The following DMD variants were observed in gnomAD, a reference collection of about 807,000 sequenced individuals.
DMD encodes mutant dystrophin.
A neutral mutation model predicts 330.1 loss-of-function variants in DMD; 63 were observed. That is an observed-to-expected ratio of 0.19 (90% CI 0.16 to 0.24). The LOEUF (loss-of-function observed/expected upper bound fraction) is 0.24. Among genes scored for constraint, DMD ranks in the 10% least tolerant of loss-of-function variants. The pLI, the probability that DMD is intolerant of heterozygous loss-of-function variation, is 1.00. For synonymous variants in DMD, 1,223 were observed against 959.8 expected, an observed-to-expected ratio of 1.27 and a Z score of -5.07; for missense variants, 3,344 against 2,684.1, an observed-to-expected ratio of 1.25 and a Z score of -5.43.
intron 54 of DMD, among the ~76,000 whole-genome samples, chrX:31,652,154 T>C (rs1172709438): frequency 8.9e-6 from 1 of 112,024 alleles, no homozygotes; most frequent in Non-Finnish European, 1.9e-5. Flanking sequence ...GGACTACTTT[T>C]TCCCCCCCAA....
At chrX:33,288,291 T>C (rs1376171762) in intron 1 of DMD, among the ~76,000 whole-genome samples, 1 of 111,730 alleles carries the variant, frequency 9.0e-6, no homozygotes, top group Admixed American at 9.5e-5. Context: ...GGAAATCTGA[T>C]GGACCGGGGA....
At chrX:32,923,286 C>T (rs944803847) in intron 2 of DMD, among the ~76,000 whole-genome samples, 40 of 111,398 alleles carry the variant, frequency 3.6e-4, no homozygotes, top group Non-Finnish European at 4.1e-4. Flanking sequence ...CAGGGTGGGG[C>T]GCAGTGGCTC....
chrX:32,911,263 T>C (rs781501859), intron 2 of DMD, among the ~76,000 whole-genome samples: 10 of 112,046 alleles, frequency 8.9e-5, no homozygotes, highest in African/African-American at 3.2e-4. Context: ...TTATGAATGA[T>C]GGTGAAACTG....
chrX:31,373,760 G>T (rs1253580921), intron 60 of DMD, among the ~76,000 whole-genome samples: 1 of 110,721 alleles, frequency 9.0e-6, no homozygotes, highest in Non-Finnish European at 1.9e-5. Flanking sequence ...ATAGGCATGG[G>T]CAAGGACTTC....
chrX:33,319,125 T>G (rs962077736), intron 1 of DMD, among the ~76,000 whole-genome samples: 11 of 110,446 alleles, frequency 1.0e-4, no homozygotes, highest in African/African-American at 3.6e-4. Context: ...AAACGGTCTG[T>G]CATCAGGCAC....
intron 1 of DMD, among the ~76,000 whole-genome samples, chrX:33,165,573 A>G (rs1408138409): frequency 9.0e-6 from 1 of 111,232 alleles, no homozygotes; most frequent in Non-Finnish European, 1.9e-5. Context: ...ACAGGAGAAT[A>G]GCCAGTATGA....
At chrX:31,195,764 G>A (rs2042814006) in intron 67 of DMD, among the ~76,000 whole-genome samples, 1 of 104,283 alleles carries the variant, frequency 9.6e-6, no homozygotes, top group Non-Finnish European at 2.0e-5. Context: ...GAGAGAGAAC[G>A]AAAGAAAAGA....
At chrX:32,508,781 C>T (rs1883364914) in intron 18 of DMD, among the ~76,000 whole-genome samples, 1 of 111,089 alleles carries the variant, frequency 9.0e-6, no homozygotes, top group African/African-American at 3.3e-5. Flanking sequence ...AAGGTAACTT[C>T]AATAATCTTA....
At chrX:32,119,292 C>G (rs1420391139) in intron 44 of DMD, among the ~76,000 whole-genome samples, 1 of 103,204 alleles carries the variant, frequency 9.7e-6, no homozygotes, top group Non-Finnish European at 2.0e-5. Context: ...TTAGATCATC[C>G]CAGGGCACTT....
intron 43 of DMD, among the ~76,000 whole-genome samples, chrX:32,244,679 A>T (rs1461096184): frequency 9.7e-5 from 9 of 93,094 alleles, no homozygotes; most frequent in African/African-American, 3.7e-4. Context: ...GATATCTCAT[A>T]GTGGTTTTGA....
chrX:32,633,704 T>C (rs1169249927), intron 11 of DMD, among the ~76,000 whole-genome samples: 1 of 111,976 alleles, frequency 8.9e-6, no homozygotes, highest in African/African-American at 3.2e-5. Context: ...ACAGGAAATA[T>C]GATGCTGGCA....
chrX:31,762,678 A>ACCCT (rs2089696426), intron 51 of DMD, among the ~76,000 whole-genome samples: 1 of 111,970 alleles, frequency 8.9e-6, no homozygotes, highest in South Asian at 3.7e-4. Flanking sequence ...TGCTGCACTG[A>ACCCT]CCCTGGAACA....
chrX:31,471,893 G>T (rs964352391), intron 59 of DMD, among the ~76,000 whole-genome samples: 8 of 111,858 alleles, frequency 7.2e-5, no homozygotes, highest in African/African-American at 2.3e-4. Context: ...CATATTTTCA[G>T]ATATTAAAGG....
At chrX:31,672,342 C>T (rs780960009) in intron 53 of DMD, among the ~76,000 whole-genome samples, 38 of 112,039 alleles carry the variant, frequency 3.4e-4, no homozygotes, top group Non-Finnish European at 6.8e-4. Flanking sequence ...GAGAATATTT[C>T]GTGTACAGTT....
chrX:31,197,707 G>A (rs553196059), intron 67 of DMD, among the ~76,000 whole-genome samples: 4 of 111,348 alleles, frequency 3.6e-5, no homozygotes, highest in East Asian at 5.6e-4. Flanking sequence ...TATACTTGAC[G>A]TTATCTAAAC....
chrX:33,299,079 A>G (rs2053625057), intron 1 of DMD, among the ~76,000 whole-genome samples: 1 of 112,234 alleles, frequency 8.9e-6, no homozygotes, highest in Admixed American at 9.5e-5. Flanking sequence ...TATTAAAAAT[A>G]AACTTTCCAA....
chrX:32,579,481 G>A (rs192403781), intron 13 of DMD, among the ~76,000 whole-genome samples: 8 of 111,840 alleles, frequency 7.2e-5, no homozygotes, highest in Admixed American at 6.7e-4. Flanking sequence ...GTTCATGCTC[G>A]TTCATAATGG....
intron 45 of DMD, among the ~76,000 whole-genome samples, chrX:31,959,243 G>A (rs987888841): frequency 9.0e-6 from 1 of 111,293 alleles, no homozygotes; most frequent in African/African-American, 3.3e-5. Flanking sequence ...ATATAAAAAC[G>A]TCCCAACATC....
At chrX:31,642,258 T>A (rs1186628969) in intron 54 of DMD, among the ~76,000 whole-genome samples, 1 of 111,899 alleles carries the variant, frequency 8.9e-6, no homozygotes, top group Non-Finnish European at 1.9e-5. Flanking sequence ...AGTGAAAAAA[T>A]CCACATGTTG....
Sources: allele counts gnomAD v4.1 joint callset (sites outside exome capture counted in the v4.1 genomes callset), GRCh38; gene constraint gnomAD v4.1.1; transcripts MANE v1.5; gene names NCBI Gene and HGNC (gene_info 2026-07-23, HGNC 2026-07-21).